The following DOCK3 variants were observed in gnomAD, a reference collection of about 807,000 sequenced individuals.
DOCK3 encodes dedicator of cytokinesis protein 3.
In DOCK3, 60 loss-of-function variants were observed where a neutral mutation model predicts 265.6. The observed-to-expected ratio is 0.23, with a 90% CI of 0.18 to 0.28. The LOEUF is 0.28. Ranked by LOEUF, DOCK3 falls within the 10% of genes least tolerant of loss-of-function variation. The probability of loss-of-function intolerance (pLI) is 1.00; values close to 1 mark genes in which losing one functional copy is unlikely to be tolerated. For missense variants in DOCK3, 1,981 were observed against 2,594.3 expected (o/e 0.76, Z 5.14); for synonymous variants, 881 against 938.0 (o/e 0.94, Z 1.11).
chr3:51,361,163 G>A lies in DOCK3; in HGVS notation c.5006+531G>A, dbSNP rs933207080. On this transcript the variant is annotated intron_variant, in intron 47 of 52. Transcript: ENST00000266037. The surrounding 1 kb of genome is among the most constrained non-coding windows in gnomAD (Gnocchi z 4.2). ...TGATGTGAACATCAAAGACTGGTTT[G>A]CCTGGGCTCAACTGAGAATACTGAA... is the stretch of plus-strand genomic sequence containing the variant. 8.5e-5 allele frequency among the ~76,000 whole-genome samples: 13 copies of A among 152,226 alleles called. No homozygotes were observed. Among genetic ancestry groups the A allele is most frequent in the Admixed American group, 4.6e-4 (7 of 15,284 alleles).
At chr3:50,787,017 C>T (rs779898158) in intron 2 of DOCK3, 4 of 740,566 alleles carry the variant, frequency 5.4e-6, no homozygotes, top group Non-Finnish European at 7.7e-6. Context: ...AATTTTTTCT[C>T]ACAAATTTCA....
intron 10 of DOCK3, among the ~76,000 whole-genome samples, chr3:51,152,270 C>T (rs961510430): frequency 4.6e-5 from 7 of 152,140 alleles, no homozygotes; most frequent in African/African-American, 1.7e-4. Context: ...ACCTTTTCTT[C>T]CACTTGATCA....
intron 27 of DOCK3, among the ~76,000 whole-genome samples, chr3:51,302,879 A>G (rs1044713111): frequency 1.3e-5 from 2 of 152,080 alleles, no homozygotes; most frequent in African/African-American, 4.8e-5. Flanking sequence ...ACCTTGGAGA[A>G]TCTGATGATT....
intron 3 of DOCK3, among the ~76,000 whole-genome samples, chr3:50,859,327 C>T (rs1247122487): frequency 1.3e-5 from 2 of 150,262 alleles, no homozygotes; most frequent in African/African-American, 4.9e-5. Flanking sequence ...GCGATTCTCT[C>T]CTGCCTCAGC....
chr3:51,284,384 C>T (rs1312725406), intron 27 of DOCK3, among the ~76,000 whole-genome samples: 2 of 152,156 alleles, frequency 1.3e-5, no homozygotes, highest in Non-Finnish European at 1.5e-5. Flanking sequence ...ATCAAGTACG[C>T]CAACTTTTAC....
intron 5 of DOCK3, among the ~76,000 whole-genome samples, chr3:50,993,685 T>A (rs1277442634): frequency 1.3e-5 from 2 of 152,224 alleles, no homozygotes; most frequent in Non-Finnish European, 2.9e-5. Flanking sequence ...TTGCTTTCAT[T>A]CTGATCTGTC....
chr3:50,838,618 G>A (rs1172187247), intron 2 of DOCK3, among the ~76,000 whole-genome samples: 1 of 152,150 alleles, frequency 6.6e-6, no homozygotes, highest in Non-Finnish European at 1.5e-5. Flanking sequence ...AAACTGAAAG[G>A]GGAGAATATA....
At chr3:51,036,690 T>G (rs1015068769) in intron 5 of DOCK3, among the ~76,000 whole-genome samples, 1 of 152,142 alleles carries the variant, frequency 6.6e-6, no homozygotes, top group South Asian at 2.1e-4. Flanking sequence ...TAATTTTTTT[T>G]TTTTAACAAA....
At chr3:51,059,079 C>G (rs756904973) in intron 5 of DOCK3, among the ~76,000 whole-genome samples, 1 of 151,958 alleles carries the variant, frequency 6.6e-6, no homozygotes, top group Non-Finnish European at 1.5e-5. Context: ...TGTACTTCAC[C>G]CTGTCTTCAC....
At position 51,160,812 on chromosome 3, in the gene DOCK3, C is replaced by T. The variant is rs370682160; in HGVS notation, c.1037+110C>T. 4.5e-5 allele frequency: 61 copies of T among 1,343,684 alleles called. No homozygotes were observed. The African/African-American group carries it at 6.6e-4, about 15-fold the overall frequency. 83.2% of individuals were successfully genotyped at this position (1,343,684 alleles called of 1,614,324 possible). A position where few individuals can be genotyped will look rare whatever the true frequency, so the allele number is the denominator to read the frequency against. ...TGTGGACACAGGCCACGCAGTGGCTCACGCCTGTATTCCCAACACTTTGGG... is the reference window on the plus strand; with the variant it reads ...TGTGGACACAGGCCACGCAGTGGCTTACGCCTGTATTCCCAACACTTTGGG... On this transcript the variant is annotated intron_variant, in intron 12 of 52. Transcript: ENST00000266037.
chr3:51,375,979 G>C, intron 51 of DOCK3, 144 bp downstream of exon 51: 1 of 828,048 alleles, frequency 1.2e-6, no homozygotes, highest in Admixed American at 2.1e-5. Context: ...ACCAGTTCTT[G>C]TGCTCACTAT....
chr3:51,193,118 T>C (rs987850328), intron 12 of DOCK3, among the ~76,000 whole-genome samples: 1 of 152,204 alleles, frequency 6.6e-6, no homozygotes, highest in Non-Finnish European at 1.5e-5. Flanking sequence ...TGAGAGTTTT[T>C]ATCATGAAGG....
At chr3:50,693,294 T>A (rs2035369602) in intron 1 of DOCK3, among the ~76,000 whole-genome samples, 2 of 152,294 alleles carry the variant, frequency 1.3e-5, no homozygotes, top group African/African-American at 4.8e-5. Flanking sequence ...AGGGACTGAA[T>A]TGAATCTGTA....
At position 50,914,662 on chromosome 3, in the gene DOCK3, C is replaced by G. The variant is rs573600250; in HGVS notation, c.219-19319C>G. ...TGTGCTGATGATATGAATGTTTATT[C>G]TTCAGCTATTGGATGAAATGTTCTT... On this transcript the variant is annotated intron_variant, in intron 4 of 52. Coordinates refer to ENST00000266037, the MANE Select transcript of DOCK3 (RefSeq NM_004947.5). 5.3e-5 allele frequency among the ~76,000 whole-genome samples: 8 copies of G among 152,214 alleles called. No homozygotes were observed. In the South Asian group the frequency reaches 1.7e-3, roughly 32 times the overall value.
At chr3:51,060,967 T>C (rs370145208) in intron 5 of DOCK3, among the ~76,000 whole-genome samples, 1 of 152,112 alleles carries the variant, frequency 6.6e-6, no homozygotes, top group African/African-American at 2.4e-5. Flanking sequence ...AAAAATGCTC[T>C]TCATCACTGG....
chr3:51,178,028 T>TAA (rs59659600), intron 12 of DOCK3, among the ~76,000 whole-genome samples: 11,462 of 138,008 alleles, frequency 0.083, 1,028 homozygotes, highest in East Asian at 0.32. Context: ...CTCAAAATAG[T>TAA]AAAAAAAAAA....
chr3:51,074,697 G>A (rs2081992736), intron 6 of DOCK3, among the ~76,000 whole-genome samples: 1 of 151,984 alleles, frequency 6.6e-6, no homozygotes, highest in South Asian at 2.1e-4. Context: ...AGGGGAGGGA[G>A]AGAATTAGGA....
chr3:51,131,402 C>T (rs990669364), intron 9 of DOCK3, among the ~76,000 whole-genome samples: 6 of 152,072 alleles, frequency 3.9e-5, no homozygotes, highest in African/African-American at 1.4e-4. Flanking sequence ...CGGAGGTCTC[C>T]TTGGGGAAGG....
At chr3:50,827,392 T>C (rs991139932) in intron 2 of DOCK3, among the ~76,000 whole-genome samples, 1 of 152,210 alleles carries the variant, frequency 6.6e-6, no homozygotes, top group African/African-American at 2.4e-5. Context: ...GATGGCTGTC[T>C]TTTTGGTGTG....
Sources: gnomAD v4.1 joint callset for allele counts (sites outside exome capture counted in the v4.1 genomes callset) on GRCh38, gnomAD v4.1.1 for gene constraint, Gnocchi (gnomAD v3.1) non-coding constraint, MANE v1.5 for transcripts, NCBI Gene and HGNC (gene_info 2026-07-23, HGNC 2026-07-21) for gene names.